COPS4: variants seen among roughly 807,000 people sequenced by gnomAD.
COPS4 encodes the protein COP9 signalosome subunit 4.
Under a neutral mutation model 55.1 loss-of-function variants are expected in COPS4, and 8 were observed. The observed-to-expected ratio is 0.15, with a 90% CI of 0.09 to 0.26. COPS4 has a LOEUF of 0.26. Among genes scored for constraint, COPS4 ranks in the 10% least tolerant of loss-of-function variants. The pLI is 1.00. For missense variants in COPS4, 248 were observed against 484.0 expected, an observed-to-expected ratio of 0.51 and a Z score of 4.58; for synonymous variants, 185 against 165.7, an observed-to-expected ratio of 1.12 and a Z score of -0.90.
intron 7 of COPS4, 142 bp downstream of exon 7, chr4:83,063,388 ATTT>A: frequency 1.8e-6 from 1 of 567,186 alleles, no homozygotes; most frequent in Non-Finnish European, 2.6e-6. Context: ...TTTATTTAAA[ATTT>A]TTTTTTTAAT....
intron 5 of COPS4, 74 bp from the exon 6 acceptor site, chr4:83,057,184 C>A: frequency 6.6e-7 from 1 of 1,508,794 alleles, no homozygotes; most frequent in Non-Finnish European, 9.0e-7. Flanking sequence ...GAAATTGTTT[C>A]TCTGTTTTGT....
At chr4:83,072,115 G>A (rs1045131647) in intron 9 of COPS4, among the ~76,000 whole-genome samples, 4 of 149,400 alleles carry the variant, frequency 2.7e-5, no homozygotes, top group East Asian at 2.0e-4. Context: ...AGTTTCTTTC[G>A]CTCTTGTTGC....
Position 83,063,060 on chromosome 4 carries a change from C to A in COPS4, c.716-16C>A, listed in dbSNP as rs763446404. The stretch of plus-strand genomic sequence containing the variant: ...AAATAACATTGTGAAATTTGATGCT[C>A]ATTTATTTCTCTTAGGGCAGCAGCG... On this transcript the variant is annotated splice_polypyrimidine_tract_variant and intron_variant, in intron 6 of 9. Transcript: ENST00000264389. The A allele has an allele frequency of 4.0e-6, 6 of 1,513,350 alleles. No individual in the cohort carries two copies. The highest frequency in any genetic ancestry group is 5.1e-5 in the Admixed American group (2 of 39,338). The allele number at this position is 1,513,350 out of a possible 1,614,324, so 93.7% of individuals were successfully genotyped here. A position where few individuals can be genotyped will look rare whatever the true frequency, so the allele number is the denominator to read the frequency against.
At chr4:83,049,468 AAAT>A (rs1226121814) in intron 3 of COPS4, 151 bp downstream of exon 3, 6 of 637,320 alleles carry the variant, frequency 9.4e-6, no homozygotes, top group African/African-American at 5.8e-5. Context: ...AAAATCAAGT[AAAT>A]ATTAGGTTGT....
chr4:83,075,167 G>GT (rs1731542180), intron 9 of COPS4, 130 bp from the exon 10 acceptor site: 3 of 725,912 alleles, frequency 4.1e-6, no homozygotes, highest in African/African-American at 1.8e-5. Flanking sequence ...GCTTTTTTCT[G>GT]TTTTTTAGGT....
At chr4:83,046,665 A>C (rs796570665) in intron 2 of COPS4, among the ~76,000 whole-genome samples, 18 of 152,182 alleles carry the variant, frequency 1.2e-4, no homozygotes, top group Non-Finnish European at 2.1e-4. Flanking sequence ...CATTATCCTA[A>C]GGAATTTTAT....
intron 7 of COPS4, among the ~76,000 whole-genome samples, chr4:83,065,902 C>G (rs1373713634): frequency 6.6e-6 from 1 of 152,190 alleles, no homozygotes; most frequent in South Asian, 2.1e-4. Flanking sequence ...TGCCTGTAAT[C>G]GCAGCACATT....
At chr4:83,039,591 G>C (rs1173310532) in intron 1 of COPS4, among the ~76,000 whole-genome samples, 2 of 152,090 alleles carry the variant, frequency 1.3e-5, no homozygotes, top group African/African-American at 4.8e-5. Flanking sequence ...TGAATCAATG[G>C]ATTAAATCAT....
At chr4:83,059,099 A>G (rs1166643395) in intron 6 of COPS4, among the ~76,000 whole-genome samples, 1 of 151,772 alleles carries the variant, frequency 6.6e-6, no homozygotes, top group Non-Finnish European at 1.5e-5. Context: ...AGTGAATTAT[A>G]CATTTATGTT....
chr4:83,073,147 C>G (rs375073622), intron 9 of COPS4: 1 of 526,802 alleles, frequency 1.9e-6, no homozygotes, highest in African/African-American at 1.9e-5. Flanking sequence ...ACATTTTCAT[C>G]TTTCCAAAGG....
chr4:83,035,378 C>G, intron 1 of COPS4, 80 bp downstream of exon 1: 1 of 1,214,538 alleles, frequency 8.2e-7, no homozygotes, highest in South Asian at 1.3e-5. Flanking sequence ...TTGGCCACGG[C>G]TCTTGGGCGT....
At chr4:83,070,778 G>A (rs1439476573) in intron 9 of COPS4, among the ~76,000 whole-genome samples, 2 of 152,008 alleles carry the variant, frequency 1.3e-5, no homozygotes, top group Non-Finnish European at 2.9e-5. Flanking sequence ...AAAAATGCAA[G>A]CATAAAAAAG....
At chr4:83,042,224 C>T (rs1730587676) in intron 1 of COPS4, among the ~76,000 whole-genome samples, 2 of 152,288 alleles carry the variant, frequency 1.3e-5, no homozygotes, top group South Asian at 2.1e-4. Context: ...CCTTTGTCTT[C>T]TCAGCCATAT....
At chr4:83,074,137 A>G (rs771613128) in intron 9 of COPS4, among the ~76,000 whole-genome samples, 46 of 152,238 alleles carry the variant, frequency 3.0e-4, no homozygotes, top group Admixed American at 9.8e-4. Context: ...AAATGGTATG[A>G]TATTTATCCT....
At chr4:83,063,615 G>T (rs1161717894) in intron 7 of COPS4, among the ~76,000 whole-genome samples, 1 of 150,944 alleles carries the variant, frequency 6.6e-6, no homozygotes, top group Non-Finnish European at 1.5e-5. Flanking sequence ...CACCGTGTTA[G>T]CCAGGATGGT....
chr4:83,063,264 T>C lies in COPS4; in HGVS notation c.886+18T>C. ...AGCTGATGGTAATGATCCTGTCTTA[T>C]GTGTATATGGTAGTCAATGTTTAGG... On this transcript the variant is annotated intron_variant, in intron 7 of 9. Transcript: ENST00000264389. 5.0e-6 allele frequency: 8 copies of C among 1,604,190 alleles called. No homozygotes were observed. The highest frequency in any genetic ancestry group is 2.2e-5 in the South Asian group (2 of 90,046).
At chr4:83,072,127 C>T (rs920138530) in intron 9 of COPS4, among the ~76,000 whole-genome samples, 3 of 151,892 alleles carry the variant, frequency 2.0e-5, no homozygotes, top group African/African-American at 7.3e-5. Context: ...TCTTGTTGCC[C>T]AGGCTGGAGT....
chr4:83,035,535 C>G (rs1466964334), intron 1 of COPS4: 2 of 369,478 alleles, frequency 5.4e-6, no homozygotes, highest in African/African-American at 4.2e-5. Context: ...TTGTTCAGTT[C>G]TTGATAGAAT....
chr4:83,045,264 T>C (rs958236142), intron 1 of COPS4, among the ~76,000 whole-genome samples: 2 of 152,224 alleles, frequency 1.3e-5, no homozygotes, highest in Admixed American at 6.5e-5. Flanking sequence ...TTAAGGCATT[T>C]GAAAGGAAAT....
Sources: gnomAD v4.1 joint callset for allele counts (sites outside exome capture counted in the v4.1 genomes callset) on GRCh38, gnomAD v4.1.1 for gene constraint, MANE v1.5 for transcripts, NCBI Gene and HGNC (gene_info 2026-07-23, HGNC 2026-07-21) for gene names.